GDAP1: variants seen among roughly 807,000 people sequenced by gnomAD.
The protein encoded by GDAP1 is ganglioside-induced differentiation-associated protein 1.
Under a neutral mutation model 40.1 loss-of-function variants are expected in GDAP1, and 34 were observed. The ratio of observed to expected loss-of-function variants is 0.85; its 90% CI spans 0.64 to 1.13. GDAP1 has a LOEUF of 1.13. Among genes scored for constraint, GDAP1 ranks in the 50% most tolerant of loss-of-function variants. GDAP1 has a pLI of 0.00. For synonymous variants in GDAP1, 170 were observed against 157.4 expected, an observed-to-expected ratio of 1.08 and a Z score of -0.60; for missense variants, 374 against 433.7, an observed-to-expected ratio of 0.86 and a Z score of 1.22.
chr8:74,395,839 T>C (rs1016035492), intron 2 of GDAP1, among the ~76,000 whole-genome samples: 2 of 152,226 alleles, frequency 1.3e-5, no homozygotes, highest in South Asian at 2.1e-4. Context: ...AGATGTACCA[T>C]GTTGTTTTAG....
chr8:74,427,300 A>G (rs1805960107), intron 2 of GDAP1, among the ~76,000 whole-genome samples: 1 of 152,200 alleles, frequency 6.6e-6, no homozygotes, highest in Non-Finnish European at 1.5e-5. Flanking sequence ...TGAAACCAGC[A>G]TAGAAAATGC....
intron 2 of GDAP1, among the ~76,000 whole-genome samples, chr8:74,433,585 G>A (rs919190793): frequency 1.3e-5 from 2 of 152,116 alleles, no homozygotes; most frequent in Admixed American, 1.3e-4. Context: ...GAACCATAGG[G>A]AATTGTCTTT....
chr8:74,395,794 T>C (rs1235901238), intron 2 of GDAP1, among the ~76,000 whole-genome samples: 4 of 152,168 alleles, frequency 2.6e-5, no homozygotes, highest in African/African-American at 9.7e-5. Flanking sequence ...TTTATTAGAA[T>C]CCCACGGCTA....
chr8:74,369,638 T>TGTGC (rs1248857705), downstream of GDAP1, among the ~76,000 whole-genome samples: 7 of 23,254 alleles, frequency 3.0e-4, no homozygotes, highest in Non-Finnish European at 7.5e-4. Context: ...TGTGTGTGCA[T>TGTGC]ATATATATAT....
At chr8:74,455,409 A>G (rs1806324218) in intron 2 of GDAP1, among the ~76,000 whole-genome samples, 1 of 151,990 alleles carries the variant, frequency 6.6e-6, no homozygotes, top group African/African-American at 2.4e-5. Flanking sequence ...ACACAGATGA[A>G]TTATTTGTGC....
chr8:74,409,415 G>A (rs1043462661), intron 2 of GDAP1, among the ~76,000 whole-genome samples: 7 of 149,622 alleles, frequency 4.7e-5, no homozygotes, highest in South Asian at 2.1e-4. Flanking sequence ...GCAGTGGTGC[G>A]ATCTTGGCTC....
At chr8:74,392,228 C>T (rs1810121154) in intron 2 of GDAP1, among the ~76,000 whole-genome samples, 1 of 152,162 alleles carries the variant, frequency 6.6e-6, no homozygotes. Flanking sequence ...TAACCTTACT[C>T]TAACAATAAA....
At chr8:74,356,716 A>ATATATATTTATATTTTTTTTTTTTT (rs375377157) in intron 2 of GDAP1, among the ~76,000 whole-genome samples, 1 of 104,362 alleles carries the variant, frequency 9.6e-6, no homozygotes, top group African/African-American at 4.1e-5. Flanking sequence ...ATATATATAT[A>ATATATATTTATATTTTTTTTTTTTT]TTTTTTTTTT....
chr8:74,376,950 T>G (rs1809865258), intron 2 of GDAP1, among the ~76,000 whole-genome samples: 2 of 152,168 alleles, frequency 1.3e-5, no homozygotes, highest in Admixed American at 6.5e-5. Flanking sequence ...TCGATTCTGT[T>G]TTATTGGGAA....
chr8:74,464,388 A>G (rs1586842743), intron 2 of GDAP1, among the ~76,000 whole-genome samples: 1 of 152,206 alleles, frequency 6.6e-6, no homozygotes, highest in Admixed American at 6.5e-5. Context: ...GAACAGGGTC[A>G]TATTTTAGTG....
At chr8:74,357,431 G>C (rs1809155116) in intron 2 of GDAP1, among the ~76,000 whole-genome samples, 1 of 152,156 alleles carries the variant, frequency 6.6e-6, no homozygotes, top group African/African-American at 2.4e-5. Context: ...CAGCATTACA[G>C]GGACTTGAGA....
chr8:74,422,717 A>G (rs1805894096), intron 2 of GDAP1, among the ~76,000 whole-genome samples: 1 of 151,872 alleles, frequency 6.6e-6, no homozygotes, highest in South Asian at 2.1e-4. Flanking sequence ...TGATTTTGCA[A>G]AACCCCTTTA....
chr8:74,370,786 G>T (rs980439680), downstream of GDAP1, among the ~76,000 whole-genome samples: 3 of 152,152 alleles, frequency 2.0e-5, no homozygotes, highest in Non-Finnish European at 4.4e-5. Flanking sequence ...ATAAAAGTAT[G>T]GAAAGCGATA....
chr8:74,439,546 G>T (rs1163491155), intron 2 of GDAP1, among the ~76,000 whole-genome samples: 1 of 151,384 alleles, frequency 6.6e-6, no homozygotes, highest in African/African-American at 2.4e-5. Context: ...GAAAATCATT[G>T]CAACATTGTA....
At chr8:74,400,617 C>T (rs184346380) in intron 2 of GDAP1, among the ~76,000 whole-genome samples, 1 of 149,990 alleles carries the variant, frequency 6.7e-6, no homozygotes, top group African/African-American at 2.5e-5. Flanking sequence ...GGTTATTTTG[C>T]TTGTTAGTTG....
chr8:74,410,250 C>T (rs6996800), intron 2 of GDAP1, among the ~76,000 whole-genome samples: 75,340 of 148,930 alleles, frequency 0.51, 20,491 homozygotes, highest in African/African-American at 0.63. Flanking sequence ...ACAGCATTCA[C>T]GGGGAGAAGA....
At chr8:74,430,616 G>T (rs1806013962) in intron 2 of GDAP1, among the ~76,000 whole-genome samples, 12 of 152,076 alleles carry the variant, frequency 7.9e-5, no homozygotes, top group Admixed American at 7.9e-4. Flanking sequence ...ACATAAAAAG[G>T]GAGAGAGAAA....
chr8:74,404,989 A>G (rs1449145630), intron 2 of GDAP1, among the ~76,000 whole-genome samples: 1 of 150,098 alleles, frequency 6.7e-6, no homozygotes, highest in Non-Finnish European at 1.5e-5. Context: ...TACAATGTAA[A>G]TTATATTATG....
chr8:74,466,533 A>G (rs533161969), intron 2 of GDAP1, among the ~76,000 whole-genome samples: 4 of 152,320 alleles, frequency 2.6e-5, no homozygotes, highest in African/African-American at 9.6e-5. Flanking sequence ...CTGCATAGAT[A>G]TGTTGAAGAT....
Sources: gnomAD v4.1 joint callset for allele counts (sites outside exome capture counted in the v4.1 genomes callset) on GRCh38, gnomAD v4.1.1 for gene constraint, MANE v1.5 for transcripts, NCBI Gene and HGNC (gene_info 2026-07-23, HGNC 2026-07-21) for gene names.